Variants in KIF17 observed in about 807,000 individuals in gnomAD.
KIF17 encodes the protein kinesin family member 17, also known as kinesin-like protein KIF17.
In KIF17, 80 loss-of-function variants were observed where a neutral mutation model predicts 96.8. The ratio of observed to expected loss-of-function variants is 0.83; its 90% CI spans 0.69 to 1.00. KIF17 has a LOEUF of 1.00. KIF17 is among the 50% of genes least tolerant of loss of function. KIF17 has a pLI of 0.00. For synonymous variants in KIF17, 567 were observed against 587.5 expected, an observed-to-expected ratio of 0.97 and a Z score of 0.51; for missense variants, 1,280 against 1,372.9, an observed-to-expected ratio of 0.93 and a Z score of 1.07.
intron 6 of KIF17, among the ~76,000 whole-genome samples, chr1:20,692,188 C>T (rs1457378859): frequency 2.0e-5 from 3 of 152,232 alleles, no homozygotes; most frequent in Non-Finnish European, 4.4e-5. Flanking sequence ...CCTAGACACA[C>T]CCACTTCCTC....
chr1:20,676,802 G>A (rs1056170731), intron 11 of KIF17, among the ~76,000 whole-genome samples: 1 of 152,162 alleles, frequency 6.6e-6, no homozygotes, highest in Admixed American at 6.5e-5. Context: ...TTGCACTCCA[G>A]CCTGGGCAAA....
In KIF17 at chr1:20,685,319, C is replaced by T. The variant is rs982997409; in HGVS notation, c.2020-299G>A. ...AATAGAAACCGATCACATCCCGTTC[C>T]CGATGAGCCCCATGTGACTTCCCGT... On this transcript the variant is annotated intron_variant, in intron 9 of 14. Coordinates refer to ENST00000400463, the MANE Select transcript of KIF17 (RefSeq NM_001122819.3). This position sits in a 1 kb window ranked among gnomAD's most constrained non-coding sequence, Gnocchi z 4.1. The T allele has an allele frequency of 1.7e-6, 1 of 572,678 alleles. No homozygotes were observed. The highest frequency in any genetic ancestry group is 1.6e-5 in the South Asian group (1 of 62,600). The allele number at this position is 572,678 out of a possible 1,614,324, so 35.5% of individuals were successfully genotyped here.
chr1:20,688,109 C>T (rs182644385), intron 7 of KIF17, among the ~76,000 whole-genome samples, 165 bp from the exon 8 acceptor site: 191 of 151,336 alleles, frequency 1.3e-3, no homozygotes, highest in African/African-American at 4.1e-3. Flanking sequence ...TGCAGTGGTG[C>T]GATCTCAGCT....
intron 10 of KIF17, among the ~76,000 whole-genome samples, chr1:20,683,669 G>A (rs924277139): frequency 6.6e-6 from 1 of 151,840 alleles, no homozygotes; most frequent in African/African-American, 2.4e-5. Flanking sequence ...AAAAAAGAAA[G>A]AAAAAAACAT....
At chr1:20,680,890 G>A (rs1035326440) in intron 11 of KIF17, among the ~76,000 whole-genome samples, 3 of 152,046 alleles carry the variant, frequency 2.0e-5, no homozygotes, top group Non-Finnish European at 4.4e-5. Context: ...TTGGGAGGCT[G>A]AGGTGGGCGA....
Position 20,672,071 on chromosome 1 carries a change from C to T in KIF17, c.2589G>A (p.Gln863=), listed in dbSNP as rs2053657196. 3 of 1,614,106 alleles carry T rather than the reference C, an allele frequency of 1.9e-6. No individual in the cohort carries two copies. The highest frequency in any genetic ancestry group is 1.7e-6 in the Non-Finnish European group (2 of 1,180,056). Residue 863 remains glutamine, a synonymous_variant, in exon 12 of 15, where the codon CAG becomes CAA. Transcript: ENST00000400463. This position sits in a 1 kb window ranked among gnomAD's most constrained non-coding sequence, Gnocchi z 4.3. ...DSMLLQQLLE[Q]VQPLIRRDCN... Reference sequence around the variant, plus strand: ...AGTCCCTGCGAATCAGGGGCTGCACCTGCTCCAGGAGCTGCTGCAAGAGCA... The same window carrying T: ...AGTCCCTGCGAATCAGGGGCTGCACTTGCTCCAGGAGCTGCTGCAAGAGCA...
intron 11 of KIF17, among the ~76,000 whole-genome samples, chr1:20,679,001 C>CA (rs34906395): frequency 0.013 from 1,161 of 86,108 alleles, 11 homozygotes; most frequent in East Asian, 0.035. Flanking sequence ...TCTTCCTTGG[C>CA]AAAAAAAAAA....
chr1:20,685,032 G>A lies in KIF17; in HGVS notation c.2020-12C>T. On this transcript the variant is annotated splice_polypyrimidine_tract_variant and intron_variant, in intron 9 of 14. Transcript: ENST00000400463. The surrounding 1 kb of genome is among the most constrained non-coding windows in gnomAD (Gnocchi z 4.1). ...GCCAGATCTACCTCCTGAGTGTGAA[G>A]AGAAACCCAGGTGGAGGTGGGAAGG... 6.4e-7 allele frequency: 1 copy of A among 1,574,506 alleles called. No homozygotes were observed.
chr1:20,716,882 T>C (rs1250025369), intron 1 of KIF17, among the ~76,000 whole-genome samples: 1 of 152,124 alleles, frequency 6.6e-6, no homozygotes, highest in African/African-American at 2.4e-5. Context: ...TTCTAGACCT[T>C]AGTGTGGGCT....
rs759040937 is a variant in KIF17, at chr1:20,717,728, G to T, written c.-22C>A. On this transcript the variant is annotated 5_prime_UTR_variant, in exon 1 of 15. Transcript: ENST00000400463. ...CCATGGCGCCGCGCCCAGGACCAAC[G>T]GGACCAGAGCTGACCCCCGCCCCGC... 1 of 1,544,662 alleles carries T rather than the reference G, an allele frequency of 6.5e-7. No homozygotes were observed.
chr1:20,677,150 G>T (rs1260787777), intron 11 of KIF17, among the ~76,000 whole-genome samples: 1 of 152,214 alleles, frequency 6.6e-6, no homozygotes, highest in Non-Finnish European at 1.5e-5. Context: ...GGTTGAAGTT[G>T]CAGTGAGCTG....
chr1:20,691,897 C>T (rs2054045796), intron 6 of KIF17, among the ~76,000 whole-genome samples: 1 of 152,200 alleles, frequency 6.6e-6, no homozygotes, highest in Non-Finnish European at 1.5e-5. Context: ...GTCCTCAACC[C>T]ATCAATGACA....
chr1:20,674,881 G>A (rs1021011138), intron 11 of KIF17, among the ~76,000 whole-genome samples: 2 of 152,102 alleles, frequency 1.3e-5, no homozygotes, highest in Admixed American at 6.6e-5. Context: ...TGGGCGTGGT[G>A]TCTCACTCCT....
At chr1:20,671,072 A>T (rs1184112887) in intron 12 of KIF17, among the ~76,000 whole-genome samples, 26 of 152,154 alleles carry the variant, frequency 1.7e-4, no homozygotes, top group Non-Finnish European at 4.4e-5. Context: ...GCAAGAGCGG[A>T]AGTGGAACCA....
Position 20,672,008 on chromosome 1 carries a change from G to A in KIF17, c.2652C>T (p.Ser884=). ...AGAAGCCGTTATCTTCGTCCCAGCA[G>A]GACTCACGCAGAATCTTCTCCAGGT... ...YSNLEKILRE[S]CWDEDNGFWK... Residue 884 remains serine, a synonymous_variant, in exon 12 of 15, where the codon TCC becomes TCT. Coordinates refer to ENST00000400463, the MANE Select transcript of KIF17 (RefSeq NM_001122819.3). The surrounding 1 kb of genome is among the most constrained non-coding windows in gnomAD (Gnocchi z 4.3). 1 of 1,614,136 alleles carries A rather than the reference G, an allele frequency of 6.2e-7. No homozygotes were observed. Among genetic ancestry groups the A allele is most frequent in the Non-Finnish European group, 8.5e-7 (1 of 1,180,044 alleles).
At chr1:20,684,783 C>T (rs745799936) in intron 10 of KIF17, 26 bp downstream of exon 10, 37 of 1,552,598 alleles carry the variant, frequency 2.4e-5, no homozygotes, top group South Asian at 2.1e-4. Flanking sequence ...CGTGGGGTCC[C>T]GCCAGCCCCA....
chr1:20,715,395 C>T (rs565509357), intron 2 of KIF17, 98 bp downstream of exon 2: 126 of 1,510,720 alleles, frequency 8.3e-5, no homozygotes, highest in Middle Eastern at 7.0e-4. Flanking sequence ...CGGGTCAGGC[C>T]GGGCTCCAAA....
At chr1:20,715,092 C>G (rs187922291) in intron 2 of KIF17, among the ~76,000 whole-genome samples, 1 of 152,274 alleles carries the variant, frequency 6.6e-6, no homozygotes, top group Non-Finnish European at 1.5e-5. Context: ...CTCCCTATCT[C>G]AAAAATGGGG....
In KIF17 at chr1:20,704,995, C is replaced by T. The variant is rs2054317881; in HGVS notation, c.671-96G>A. The T allele has an allele frequency of 9.1e-7, 1 of 1,094,598 alleles. No homozygotes were observed. Among genetic ancestry groups the T allele is most frequent in the Non-Finnish European group, 1.4e-6 (1 of 733,980 alleles). The allele number at this position is 1,094,598 out of a possible 1,614,324, so 67.8% of individuals were successfully genotyped here. A position where few individuals can be genotyped will look rare whatever the true frequency, so the allele number is the denominator to read the frequency against. ...GCACTGGGTGCTCAATGCCCACCCA[C>T]CGAGGGTTCCCCTCAGCTGCACAGG... On this transcript the variant is annotated intron_variant, in intron 4 of 14. Coordinates refer to ENST00000400463, the MANE Select transcript of KIF17 (RefSeq NM_001122819.3). The surrounding 1 kb of genome is among the most constrained non-coding windows in gnomAD (Gnocchi z 6.8).
Sources: gnomAD v4.1 joint callset for allele counts (sites outside exome capture counted in the v4.1 genomes callset) on GRCh38, gnomAD v4.1.1 for gene constraint, Gnocchi (gnomAD v3.1) non-coding constraint, MANE v1.5 for transcripts, NCBI Gene and HGNC (gene_info 2026-07-23, HGNC 2026-07-21) for gene names.